ANKFN1: variants seen among roughly 807,000 people sequenced by gnomAD.
ANKFN1 encodes the protein ankyrin repeat and fibronectin type-III domain-containing protein 1.
A neutral mutation model predicts 108.7 loss-of-function variants in ANKFN1; 74 were observed. The ratio of observed to expected loss-of-function variants is 0.68; its 90% CI spans 0.56 to 0.83. The LOEUF (loss-of-function observed/expected upper bound fraction) is 0.83. Ranked by LOEUF, ANKFN1 falls within the 40% of genes least tolerant of loss-of-function variation. The probability of loss-of-function intolerance (pLI) is 0.00; values close to 1 mark genes in which losing one functional copy is unlikely to be tolerated. For synonymous variants in ANKFN1, 547 were observed against 516.2 expected (o/e 1.06, Z -0.81); for missense variants, 1,505 against 1,382.3 (o/e 1.09, Z -1.41).
chr17:56,055,804 G>A (rs1481307764), intron 4 of ANKFN1, among the ~76,000 whole-genome samples: 5 of 151,130 alleles, frequency 3.3e-5, no homozygotes, highest in African/African-American at 1.2e-4. Flanking sequence ...TCTCTATACT[G>A]TTTTCCATAG....
Position 56,128,381 on chromosome 17 carries a change from C to T in ANKFN1, c.288+82056C>T, listed in dbSNP as rs138825238. On this transcript the variant is annotated intron_variant, in intron 4 of 12. Coordinates refer to the ANKFN1 transcript ENST00000635860. Reference sequence around the variant, plus strand: ...TTGCAATCCTGAAGTGGGTGAAAGACTTGCAACTGAAGGATGTTTTGATTA... The same window carrying T: ...TTGCAATCCTGAAGTGGGTGAAAGATTTGCAACTGAAGGATGTTTTGATTA... Among the ~76,000 whole-genome samples the T allele has an allele frequency of 3.9e-5, 6 of 152,282 alleles. No individual in the cohort carries two copies. The East Asian group carries it at 1.2e-3, about 29-fold the overall frequency.
At chr17:56,121,095 G>A (rs1315988316) in intron 4 of ANKFN1, among the ~76,000 whole-genome samples, 2 of 151,874 alleles carry the variant, frequency 1.3e-5, no homozygotes, top group African/African-American at 4.8e-5. Flanking sequence ...AAAAATCCCT[G>A]TGACTCCATA....
At chr17:56,094,681 T>TTG (rs774305369) in intron 4 of ANKFN1, among the ~76,000 whole-genome samples, 8,246 of 141,614 alleles carry the variant, frequency 0.058, 868 homozygotes, top group African/African-American at 0.17. Context: ...TTGGGTTTTT[T>TTG]TTTTTTTTTT....
intron 3 of ANKFN1, among the ~76,000 whole-genome samples, chr17:56,266,462 GGT>G (rs1362323848): frequency 6.6e-6 from 1 of 152,076 alleles, no homozygotes; most frequent in Non-Finnish European, 1.5e-5. Context: ...AATTAACTAA[GGT>G]GATAACCTAC....
chr17:56,350,666 T>C, intron 4 of ANKFN1, 100 bp from the exon 5 acceptor site: 5 of 1,122,678 alleles, frequency 4.5e-6, no homozygotes, highest in South Asian at 2.8e-5. Context: ...AGCTCTAATA[T>C]TGTATTTGGA....
chr17:56,388,551 T>C (rs973194339), intron 8 of ANKFN1, among the ~76,000 whole-genome samples: 5 of 152,216 alleles, frequency 3.3e-5, no homozygotes, highest in African/African-American at 1.2e-4. Flanking sequence ...ATATTTCTAT[T>C]TTTAATTGCC....
intron 8 of ANKFN1, among the ~76,000 whole-genome samples, chr17:56,390,222 A>G (rs2047388057): frequency 7.1e-6 from 1 of 140,574 alleles, no homozygotes; most frequent in Non-Finnish European, 1.5e-5. Flanking sequence ...GACAGACCCC[A>G]ATGTGTGATG....
At chr17:56,308,377 A>G (rs1598386763) in intron 3 of ANKFN1, among the ~76,000 whole-genome samples, 1 of 152,176 alleles carries the variant, frequency 6.6e-6, no homozygotes, top group African/African-American at 2.4e-5. Context: ...CATAAATACA[A>G]TTGATTTTTG....
chr17:56,442,965 G>A, intron 10 of ANKFN1, 32 bp downstream of exon 10: 4 of 1,603,388 alleles, frequency 2.5e-6, no homozygotes, highest in Non-Finnish European at 3.4e-6. Context: ...TCTCCAGCAT[G>A]GTAACAGACT....
rs559421402 is a variant in ANKFN1 at position 56,439,799 on chromosome 17, T to C, written c.911-528T>C. ...TTTCAGTAGAATATGGCGAAGCAGA[T>C]GTCAGACTTGGAGAGCGAATAGAAG... On this transcript the variant is annotated intron_variant, in intron 8 of 20. Transcript: ENST00000682825. Among the ~76,000 whole-genome samples, 3 of 152,244 alleles carry C rather than the reference T, an allele frequency of 2.0e-5. No individual in the cohort carries two copies. The South Asian group carries it at 6.2e-4, about 32-fold the overall frequency.
At chr17:56,218,476 C>T (rs1321127015) in intron 2 of ANKFN1, among the ~76,000 whole-genome samples, 2 of 152,118 alleles carry the variant, frequency 1.3e-5, no homozygotes, top group African/African-American at 4.8e-5. Context: ...TCTCTTTTCA[C>T]TCTTCCATGT....
chr17:56,362,511 CT>C (rs1386389789), intron 6 of ANKFN1, among the ~76,000 whole-genome samples: 1 of 152,180 alleles, frequency 6.6e-6, no homozygotes, highest in East Asian at 1.9e-4. Flanking sequence ...AGAATAGTCT[CT>C]TCAATATACG....
chr17:56,350,911 G>A lies in ANKFN1; in HGVS notation c.334G>A (p.Asp112Asn), dbSNP rs183282741. 26 of 1,613,734 alleles carry A rather than the reference G, an allele frequency of 1.6e-5. No homozygotes were observed. The African/African-American group carries it at 2.0e-4, about 12-fold the overall frequency. ...EKLKGSHSSF[D>N]EAYFRTRTDR... ...ACTGAAAGGGAGCCACTCTTCCTTC[G>A]ATGAGGCCTATTTTAGGACAAGAAC... The change falls in exon 5 of 21, where the codon GAT becomes AAT. Residue 112 changes from aspartate to asparagine, a missense_variant. Coordinates refer to ENST00000682825, the MANE Select transcript of ANKFN1 (RefSeq NM_001370326.1).
At chr17:56,225,511 A>G (rs559776480) in intron 2 of ANKFN1, among the ~76,000 whole-genome samples, 15 of 152,212 alleles carry the variant, frequency 9.9e-5, no homozygotes, top group African/African-American at 3.6e-4. Context: ...AAACTGTCCA[A>G]TTGTCCCTCC....
intron 4 of ANKFN1, among the ~76,000 whole-genome samples, chr17:56,047,918 T>C (rs144471302): frequency 2.8e-4 from 43 of 152,306 alleles, no homozygotes; most frequent in African/African-American, 9.4e-4. Flanking sequence ...TGACTCTTTA[T>C]TTTTTCCCGT....
At chr17:56,425,217 A>G (rs2192215) in intron 8 of ANKFN1, among the ~76,000 whole-genome samples, 83,806 of 152,008 alleles carry the variant, frequency 0.55, 27,768 homozygotes, top group East Asian at 0.95. Context: ...GGGTTTACAT[A>G]GAAATTTGGC....
intron 14 of ANKFN1, among the ~76,000 whole-genome samples, chr17:56,464,738 A>G (rs1166729291): frequency 2.0e-5 from 3 of 152,218 alleles, no homozygotes; most frequent in Non-Finnish European, 2.9e-5. Flanking sequence ...GAGTTGCTTG[A>G]TTTAATCCCT....
At chr17:56,407,728 G>T (rs1279062758) in intron 8 of ANKFN1, among the ~76,000 whole-genome samples, 1 of 151,990 alleles carries the variant, frequency 6.6e-6, no homozygotes, top group Non-Finnish European at 1.5e-5. Flanking sequence ...AAGAATATTT[G>T]GCTACATTAA....
intron 3 of ANKFN1, among the ~76,000 whole-genome samples, chr17:56,284,880 G>C (rs1021069022): frequency 6.6e-6 from 1 of 152,096 alleles, no homozygotes; most frequent in African/African-American, 2.4e-5. Flanking sequence ...AGTGAGATGA[G>C]TAAAGAAGAG....
Sources: gnomAD v4.1 joint callset for allele counts (sites outside exome capture counted in the v4.1 genomes callset) on GRCh38, gnomAD v4.1.1 for gene constraint, MANE v1.5 for transcripts, NCBI Gene and HGNC (gene_info 2026-07-23, HGNC 2026-07-21) for gene names.